MRTFB: variants seen among roughly 807,000 people sequenced by gnomAD.
The protein encoded by MRTFB is myocardin related transcription factor B, also known as myocardin-related transcription factor B.
MRTFB carries 29 observed loss-of-function variants against 104.2 expected under a neutral mutation model. That is an observed-to-expected ratio of 0.28 (90% confidence interval 0.21 to 0.38). MRTFB has a LOEUF of 0.38. MRTFB is among the 10% of genes least tolerant of loss of function. The pLI is 1.00. For missense variants in MRTFB, 1,270 were observed against 1,341.6 expected, an observed-to-expected ratio of 0.95 and a Z score of 0.83; for synonymous variants, 535 against 519.5, an observed-to-expected ratio of 1.03 and a Z score of -0.41.
intron 13 of MRTFB, among the ~76,000 whole-genome samples, chr16:14,251,309 G>C (rs577653005): frequency 1.3e-5 from 2 of 149,904 alleles, no homozygotes; most frequent in Admixed American, 1.3e-4. Flanking sequence ...CCTGGGAGGC[G>C]GAGCTTGCAG....
chr16:14,064,298 T>A, the MRTFB span, among the ~76,000 whole-genome samples: 1 of 152,214 alleles, frequency 6.6e-6, no homozygotes, highest in African/African-American at 2.4e-5. Context: ...TCTGTTCATG[T>A]CCATTGCCCA....
intron 10 of MRTFB, among the ~76,000 whole-genome samples, chr16:14,241,964 CAATAATAATAATAATAAT>C (rs34609591): frequency 0.048 from 6,653 of 138,556 alleles, 233 homozygotes; most frequent in Middle Eastern, 0.088. Flanking sequence ...CATTGGGCAC[CAATAATAATAATAATAAT>C]AATAATAATA....
chr16:14,249,153 T>C, intron 13 of MRTFB, 72 bp downstream of exon 13: 1 of 1,535,900 alleles, frequency 6.5e-7, no homozygotes, highest in Non-Finnish European at 8.8e-7. Flanking sequence ...TCAACAAGCA[T>C]CTTTGTAAAC....
At chr16:14,044,660 G>T in the MRTFB span, among the ~76,000 whole-genome samples, 1 of 152,132 alleles carries the variant, frequency 6.6e-6, no homozygotes, top group Non-Finnish European at 1.5e-5. Context: ...CCCAAGTTTT[G>T]CCCATAAGGT....
intron 3 of MRTFB, chr16:14,152,838 C>A (rs2038681273): frequency 1.3e-5 from 2 of 152,064 alleles, no homozygotes; most frequent in Admixed American, 1.3e-4. Context: ...TAAATGAATT[C>A]TTTAACTGAA....
At position 14,142,950 on chromosome 16, in the gene MRTFB, T is replaced by C. The variant is rs935799964; in HGVS notation, c.154+2190T>C. ...CATTTTATGAAGCATTGCAATAATG[T>C]AGAAGGATTGCTTTAACCACTCTCA... On this transcript the variant is annotated intron_variant, in intron 3 of 16. Transcript: ENST00000571589. 3.9e-5 allele frequency: 6 copies of C among 152,204 alleles called. No homozygotes were observed. The South Asian group carries it at 8.3e-4, about 21-fold the overall frequency. The allele number at this position is 152,204 out of a possible 1,614,324, so 9.4% of individuals were successfully genotyped here.
At position 14,219,004 on chromosome 16, in the gene MRTFB, A is replaced by C. The variant is rs2041560402; in HGVS notation, c.693+6A>C. On this transcript the variant is annotated splice_donor_region_variant and intron_variant, in intron 8 of 16. Transcript: ENST00000571589. ...CTACAAACACTCCAGCGCAGGTATT[A>C]TCTTTCTGGTTTTGACCCCTAAAGA... The C allele has an allele frequency of 6.3e-7, 1 of 1,597,114 alleles. No homozygotes were observed. The highest frequency in any genetic ancestry group is 1.3e-5 in the African/African-American group (1 of 74,340).
chr16:14,183,667 T>C (rs890044776), intron 3 of MRTFB, among the ~76,000 whole-genome samples: 2 of 152,202 alleles, frequency 1.3e-5, no homozygotes, highest in African/African-American at 2.4e-5. Flanking sequence ...AGAAGTATCA[T>C]GTTAGAACCT....
chr16:14,043,005 A>G, the MRTFB span, among the ~76,000 whole-genome samples: 3 of 152,108 alleles, frequency 2.0e-5, no homozygotes, highest in Non-Finnish European at 2.9e-5. Context: ...GGTCAGATTT[A>G]CGGGTAGCCC....
At chr16:14,199,169 C>T (rs371350096) in intron 3 of MRTFB, among the ~76,000 whole-genome samples, 18 of 152,192 alleles carry the variant, frequency 1.2e-4, no homozygotes, top group African/African-American at 3.9e-4. Flanking sequence ...CAGCATTTGA[C>T]ACACTTGATC....
chr16:14,156,439 G>A (rs944123135), intron 3 of MRTFB, among the ~76,000 whole-genome samples: 1 of 152,158 alleles, frequency 6.6e-6, no homozygotes, highest in South Asian at 2.1e-4. Flanking sequence ...GTGGATGAAC[G>A]AAATTAAATT....
chr16:14,204,999 T>A (rs575827867), intron 3 of MRTFB, among the ~76,000 whole-genome samples: 7 of 152,336 alleles, frequency 4.6e-5, no homozygotes, highest in African/African-American at 1.4e-4. Context: ...TAGTAAACTA[T>A]GCCATATCCA....
intron 8 of MRTFB, among the ~76,000 whole-genome samples, chr16:14,228,205 G>A (rs2042095733): frequency 1.3e-5 from 2 of 152,212 alleles, no homozygotes; most frequent in Admixed American, 6.5e-5. Flanking sequence ...TATAGCCACT[G>A]TGGACAATGT....
chr16:14,121,192 A>T (rs1596946675), intron 2 of MRTFB, among the ~76,000 whole-genome samples: 1 of 141,750 alleles, frequency 7.1e-6, no homozygotes, highest in Admixed American at 6.9e-5. Context: ...TTTCTTTTTC[A>T]GTTAATATGG....
intron 3 of MRTFB, among the ~76,000 whole-genome samples, chr16:14,181,542 G>A (rs2039771357): frequency 1.3e-5 from 2 of 152,030 alleles, no homozygotes; most frequent in South Asian, 4.2e-4. Context: ...GAAGAGAAAA[G>A]GTCATCTTTA....
chr16:14,235,250 G>A (rs113312110), intron 9 of MRTFB, among the ~76,000 whole-genome samples: 55 of 152,342 alleles, frequency 3.6e-4, no homozygotes, highest in African/African-American at 1.3e-3. Flanking sequence ...CCTTGTCAGC[G>A]TGGCCGAGTA....
intron 3 of MRTFB, chr16:14,199,927 G>T (rs2040606828): frequency 5.3e-6 from 1 of 190,212 alleles, no homozygotes; most frequent in South Asian, 1.2e-4. Context: ...TATTTGACAT[G>T]ATATCACTAG....
the MRTFB span, among the ~76,000 whole-genome samples, chr16:14,022,008 C>G: frequency 6.6e-6 from 1 of 152,144 alleles, no homozygotes; most frequent in Non-Finnish European, 1.5e-5. Context: ...CTTCTTCTGC[C>G]ACATACCTCT....
intron 3 of MRTFB, among the ~76,000 whole-genome samples, chr16:14,172,233 C>G (rs1282886442): frequency 6.6e-6 from 1 of 152,128 alleles, no homozygotes; most frequent in East Asian, 1.9e-4. Flanking sequence ...CGCCTCCCCC[C>G]CACAAACAAG....
Sources: gnomAD v4.1 joint callset for allele counts (sites outside exome capture counted in the v4.1 genomes callset) on GRCh38, gnomAD v4.1.1 for gene constraint, MANE v1.5 for transcripts, NCBI Gene and HGNC (gene_info 2026-07-23, HGNC 2026-07-21) for gene names.